Variants in GSG1L observed in about 807,000 individuals in gnomAD.
GSG1L encodes the protein germ cell-specific gene 1-like protein.
In GSG1L, 24 loss-of-function variants were observed where a neutral mutation model predicts 42.1. The observed-to-expected ratio is 0.57, with a 90% CI of 0.41 to 0.80. GSG1L has a LOEUF of 0.80. Among genes scored for constraint, GSG1L ranks in the 30% least tolerant of loss-of-function variants. The pLI, the probability that GSG1L is intolerant of heterozygous loss-of-function variation, is 0.00. For synonymous variants in GSG1L, 215 were observed against 203.5 expected, an observed-to-expected ratio of 1.06 and a Z score of -0.48; for missense variants, 445 against 472.2, an observed-to-expected ratio of 0.94 and a Z score of 0.53.
At chr16:27,901,954 GC>G (rs2084262562) in intron 2 of GSG1L, among the ~76,000 whole-genome samples, 1 of 152,176 alleles carries the variant, frequency 6.6e-6, no homozygotes. Flanking sequence ...GCGTCACTTG[GC>G]CGGCTGCTTC....
intron 1 of GSG1L, among the ~76,000 whole-genome samples, chr16:27,972,746 C>G (rs889559535): frequency 7.2e-5 from 11 of 152,174 alleles, no homozygotes; most frequent in Non-Finnish European, 1.3e-4. Context: ...CAGGCCCCAC[C>G]CACAACGATT....
chr16:27,853,623 A>T (rs2083540759), intron 3 of GSG1L, among the ~76,000 whole-genome samples: 1 of 152,158 alleles, frequency 6.6e-6, no homozygotes, highest in Non-Finnish European at 1.5e-5. Flanking sequence ...CCCCTTTTAG[A>T]TTACCAGAGT....
chr16:27,991,606 T>C (rs2085457201), intron 1 of GSG1L, among the ~76,000 whole-genome samples: 1 of 152,046 alleles, frequency 6.6e-6, no homozygotes, highest in Non-Finnish European at 1.5e-5. Flanking sequence ...GGTTTCGCCA[T>C]GTTGGTCAGG....
At chr16:27,814,809 T>G (rs556148284) in intron 5 of GSG1L, among the ~76,000 whole-genome samples, 2 of 151,958 alleles carry the variant, frequency 1.3e-5, no homozygotes, top group African/African-American at 4.8e-5. Flanking sequence ...TCATCAGCAA[T>G]GCTGGGCTCC....
intron 4 of GSG1L, among the ~76,000 whole-genome samples, chr16:27,829,569 C>T (rs1352155323): frequency 6.6e-6 from 1 of 152,172 alleles, no homozygotes; most frequent in African/African-American, 2.4e-5. Context: ...GTTTTAAACA[C>T]AGGGATTCGC....
intron 1 of GSG1L, among the ~76,000 whole-genome samples, chr16:27,983,982 C>T (rs965522745): frequency 6.6e-6 from 1 of 152,108 alleles, no homozygotes; most frequent in African/African-American, 2.4e-5. Context: ...AGAAACAATG[C>T]CCATAGCATA....
At chr16:28,020,435 A>C (rs981644839) in intron 1 of GSG1L, among the ~76,000 whole-genome samples, 3 of 152,186 alleles carry the variant, frequency 2.0e-5, no homozygotes, top group African/African-American at 7.2e-5. Flanking sequence ...AATAACGATA[A>C]CTAGTGCTCG....
At chr16:27,914,934 G>C (rs1438468437) in intron 2 of GSG1L, among the ~76,000 whole-genome samples, 2 of 152,214 alleles carry the variant, frequency 1.3e-5, no homozygotes, top group Admixed American at 1.3e-4. Flanking sequence ...AGTGGCAGGT[G>C]ACATTCTTCT....
At chr16:27,865,486 A>G (rs2083703261) in intron 3 of GSG1L, among the ~76,000 whole-genome samples, 2 of 146,042 alleles carry the variant, frequency 1.4e-5, no homozygotes, top group Admixed American at 1.4e-4. Context: ...AATGTCAACC[A>G]CAGAGCAGGG....
chr16:27,844,935 T>G lies in GSG1L; in HGVS notation c.662+15A>C, dbSNP rs778155731. ...CTGGTGCCTGAAGCTGCTCTTGTCC[T>G]GAAGGTCCACTTACCAGAAGGACCA... On this transcript the variant is annotated intron_variant, in intron 4 of 6. Coordinates refer to ENST00000447459, the MANE Select transcript of GSG1L (RefSeq NM_001109763.2). The G allele has an allele frequency of 1.5e-5, 21 of 1,447,812 alleles. No individual in the cohort carries two copies. The East Asian group carries it at 6.1e-4, about 42-fold the overall frequency. 89.7% of individuals were successfully genotyped at this position (1,447,812 alleles called of 1,614,324 possible).
At chr16:27,899,038 A>G (rs2084225962) in intron 2 of GSG1L, among the ~76,000 whole-genome samples, 1 of 152,224 alleles carries the variant, frequency 6.6e-6, no homozygotes, top group Non-Finnish European at 1.5e-5. Flanking sequence ...GAGAGGGAAG[A>G]AAGTGTGCAG....
At position 27,849,204 on chromosome 16, in the gene GSG1L, A is replaced by ACTCC. The variant is rs1567485072; in HGVS notation, c.551-4144_551-4143insGGAG. Reference sequence around the variant, plus strand: ...CAGAGTGAGCCTCTATCCCAAAAAGAAAAAAAAAAAAAAAAAAAAGAGAAA... The same window carrying ACTCC: ...CAGAGTGAGCCTCTATCCCAAAAAGACTCCAAAAAAAAAAAAAAAAAAAGAGAAA... On this transcript the variant is annotated intron_variant, in intron 3 of 6. Coordinates refer to ENST00000447459, the MANE Select transcript of GSG1L (RefSeq NM_001109763.2). 7.3e-3 allele frequency among the ~76,000 whole-genome samples: 680 copies of ACTCC among 93,356 alleles called. 7 individuals are homozygous for ACTCC. Among genetic ancestry groups the ACTCC allele is most frequent in the African/African-American group, 0.035 (659 of 19,032 alleles). The allele number at this position is 93,356 out of a possible 152,430, so 61.2% of individuals were successfully genotyped here. A position where few individuals can be genotyped will look rare whatever the true frequency, so the allele number is the denominator to read the frequency against.
intron 1 of GSG1L, among the ~76,000 whole-genome samples, chr16:28,045,086 T>A (rs1393599975): frequency 1.3e-5 from 2 of 151,974 alleles, no homozygotes; most frequent in East Asian, 3.9e-4. Context: ...AGGCAGAGCA[T>A]CGGGGATTTT....
intron 3 of GSG1L, among the ~76,000 whole-genome samples, chr16:27,863,648 C>A (rs1012734373): frequency 6.6e-6 from 1 of 152,186 alleles, no homozygotes; most frequent in Non-Finnish European, 1.5e-5. Flanking sequence ...CTGGGCTTGG[C>A]AACAGGGGAT....
At chr16:28,002,067 G>A (rs545887441) in intron 1 of GSG1L, among the ~76,000 whole-genome samples, 6 of 152,240 alleles carry the variant, frequency 3.9e-5, no homozygotes, top group African/African-American at 1.4e-4. Context: ...CACCTACTAC[G>A]CGCCAGGCTG....
chr16:27,791,730 A>C (rs1188161752), intron 6 of GSG1L, among the ~76,000 whole-genome samples: 1 of 151,748 alleles, frequency 6.6e-6, no homozygotes, highest in South Asian at 2.1e-4. Flanking sequence ...CCATCCACTT[A>C]TCAAGCCACC....
chr16:27,813,770 C>A (rs2083060497), intron 5 of GSG1L, among the ~76,000 whole-genome samples: 1 of 152,222 alleles, frequency 6.6e-6, no homozygotes, highest in Non-Finnish European at 1.5e-5. Context: ...GCGGGGCTCC[C>A]TGGCAGGAAA....
chr16:28,059,071 G>A lies in GSG1L; in HGVS notation c.349+4005C>T, dbSNP rs371298025. On this transcript the variant is annotated intron_variant, in intron 1 of 6. Transcript: ENST00000447459. This position sits in a 1 kb window ranked among gnomAD's most constrained non-coding sequence, Gnocchi z 4.4. ...TGTGGGTGGCTCAGCCCAGGGTGGC[G>A]GCAACACCGAGGTGGTGCTCCCCAC... Among the ~76,000 whole-genome samples the A allele has an allele frequency of 4.6e-5, 7 of 152,224 alleles. No individual in the cohort carries two copies. The highest frequency in any genetic ancestry group is 1.2e-4 in the African/African-American group (5 of 41,548).
chr16:27,898,545 T>C (rs2084218284), intron 2 of GSG1L, among the ~76,000 whole-genome samples: 1 of 151,978 alleles, frequency 6.6e-6, no homozygotes, highest in South Asian at 2.1e-4. Context: ...TCCCCTGTCT[T>C]CCTCCTCCTC....
Sources: gnomAD v4.1 joint callset for allele counts (sites outside exome capture counted in the v4.1 genomes callset) on GRCh38, gnomAD v4.1.1 for gene constraint, Gnocchi (gnomAD v3.1) non-coding constraint, MANE v1.5 for transcripts, NCBI Gene and HGNC (gene_info 2026-07-23, HGNC 2026-07-21) for gene names.